CACNA1S: variants seen among roughly 807,000 people sequenced by gnomAD.
CACNA1S encodes calcium voltage-gated channel subunit alpha1 S.
Under a neutral mutation model 207.4 loss-of-function variants are expected in CACNA1S, and 126 were observed. The observed-to-expected ratio is 0.61, with a 90% CI of 0.53 to 0.70. CACNA1S has a LOEUF of 0.70. Ranked by LOEUF, CACNA1S falls within the 30% of genes least tolerant of loss-of-function variation. CACNA1S has a pLI of 0.00. For synonymous variants in CACNA1S, 960 were observed against 932.7 expected (o/e 1.03, Z -0.53); for missense variants, 2,349 against 2,422.8 (o/e 0.97, Z 0.64).
chr1:201,075,498 T>G lies in CACNA1S; in HGVS notation c.1945A>C (p.Asn649His), dbSNP rs760246258. The change falls in exon 13 of 44, where the codon AAC (asparagine) becomes CAC (histidine). Residue 649 changes from asparagine to histidine, a missense_variant. Transcript: ENST00000362061. ...CACCCTGCTCCCGAGAGGATACAGT[T>G]GCCACAGACGAAAAGGATGATGAAG... ...IYFIILFVCGNYILLNVFLAI... is the reference protein window; with the variant it reads ...IYFIILFVCGHYILLNVFLAI... The G allele has an allele frequency of 1.1e-4, 174 of 1,613,610 alleles. No homozygotes were observed. Among genetic ancestry groups the G allele is most frequent in the Admixed American group, 2.7e-4 (16 of 59,974 alleles).
At chr1:201,061,676 A>G (rs1347212980) in intron 24 of CACNA1S, among the ~76,000 whole-genome samples, 2 of 152,202 alleles carry the variant, frequency 1.3e-5, no homozygotes, top group Non-Finnish European at 2.9e-5. Flanking sequence ...TGCCCCATCT[A>G]TCCCTAATCA....
At position 201,075,749 on chromosome 1, in the gene CACNA1S, G is replaced by T. The variant is rs879438543; in HGVS notation, c.1828-134C>A. 21 of 1,011,256 alleles carry T rather than the reference G, an allele frequency of 2.1e-5. No homozygotes were observed. In the East Asian group the frequency reaches 4.9e-4, roughly 23 times the overall value. The allele number at this position is 1,011,256 out of a possible 1,614,324, so 62.6% of individuals were successfully genotyped here. On this transcript the variant is annotated intron_variant, in intron 12 of 43. Coordinates refer to ENST00000362061, the MANE Select transcript of CACNA1S (RefSeq NM_000069.3). Reference sequence around the variant, plus strand: ...TTCCCTCTTTTCATTCCACAGTCTGGGTGGCCAGCCCCTGCTATCCCCAAA... The same window carrying T: ...TTCCCTCTTTTCATTCCACAGTCTGTGTGGCCAGCCCCTGCTATCCCCAAA...
Position 201,062,457 on chromosome 1 carries a change from T to G in CACNA1S, c.2906+5A>C, listed in dbSNP as rs1661086623. ...CCGTCCCACTGTGCTCCCTGCCCCA[T>G]GTACCTGCACTCCTCCTCTGTCATC... is the stretch of plus-strand genomic sequence containing the variant. On this transcript the variant is annotated splice_donor_5th_base_variant and intron_variant, in intron 23 of 43. Transcript: ENST00000362061. 6.2e-7 allele frequency: 1 copy of G among 1,612,868 alleles called. No individual in the cohort carries two copies. The highest frequency in any genetic ancestry group is 1.1e-5 in the South Asian group (1 of 91,062).
chr1:201,089,249 C>T lies in CACNA1S; in HGVS notation c.900+9G>A, dbSNP rs1454687459. 2 of 1,613,886 alleles carry T rather than the reference C, an allele frequency of 1.2e-6. No individual in the cohort carries two copies. The highest frequency in any genetic ancestry group is 2.7e-5 in the African/African-American group (2 of 74,954). On this transcript the variant is annotated intron_variant, in intron 6 of 43. Coordinates refer to ENST00000362061, the MANE Select transcript of CACNA1S (RefSeq NM_000069.3). ...GGAGATGGTTCTGCAGGCGCGGGCC[C>T]AGACCCACCCAGTAAAGGACGTCAG...
Position 201,050,457 on chromosome 1 carries a change from C to G in CACNA1S, c.4173G>C (p.Trp1391Cys). The stretch of plus-strand genomic sequence containing the variant: ...CCAGGTGATGAGGGCCCAGGATGGA[C>G]CAGTCCCGGGTGAGGTAGTCAAAAT... ...MDNFDYLTRD[W>C]SILGPHHLDE... Residue 1391 changes from tryptophan to cysteine, a missense_variant, in exon 34 of 44, where the codon TGG becomes TGC. Transcript: ENST00000362061. 1.2e-6 allele frequency: 2 copies of G among 1,614,040 alleles called. No individual in the cohort carries two copies. Among genetic ancestry groups the G allele is most frequent in the African/African-American group, 1.3e-5 (1 of 75,008 alleles).
intron 12 of CACNA1S, among the ~76,000 whole-genome samples, chr1:201,076,417 C>A (rs551554594): frequency 1.3e-5 from 2 of 152,350 alleles, no homozygotes; most frequent in East Asian, 3.9e-4. Flanking sequence ...AAGAAAACTC[C>A]TCCAGGAGGC....
chr1:201,054,659 C>A, intron 28 of CACNA1S, 98 bp from the exon 29 acceptor site: 1 of 853,480 alleles, frequency 1.2e-6, no homozygotes, highest in Non-Finnish European at 1.8e-6. Context: ...AGGACAGACA[C>A]ACAGAAGAGT....
At chr1:201,044,477 C>T in intron 38 of CACNA1S, 21 bp from the exon 39 acceptor site, 1 of 1,609,964 alleles carries the variant, frequency 6.2e-7, no homozygotes, top group African/African-American at 1.3e-5. Flanking sequence ...CGAAGGGACT[C>T]AGTTATCTCT....
chr1:201,047,726 T>C, intron 36 of CACNA1S, 100 bp from the exon 37 acceptor site: 1 of 810,882 alleles, frequency 1.2e-6, no homozygotes. Flanking sequence ...AGTCATTTAC[T>C]AAGAAACATT....
At chr1:201,089,099 C>T (rs897438749) in intron 6 of CACNA1S, among the ~76,000 whole-genome samples, 159 bp downstream of exon 6, 1 of 152,260 alleles carries the variant, frequency 6.6e-6, no homozygotes, top group African/African-American at 2.4e-5. Context: ...GAAAGGGACA[C>T]ACATCCTGTA....
chr1:201,060,308 C>A (rs1328128169), intron 26 of CACNA1S, among the ~76,000 whole-genome samples: 1 of 152,130 alleles, frequency 6.6e-6, no homozygotes, highest in African/African-American at 2.4e-5. Flanking sequence ...TTTCTTGGGA[C>A]CAGAGCCAAG....
Position 201,043,489 on chromosome 1 carries a change from T to G in CACNA1S, c.4840A>C (p.Arg1614=). ...LFGQVDNFLE[R]TNSLPPVMAN... is the part of the protein sequence containing the mutation. ...ATGACGGGGGGCAGGGAGTTGGTCC[T>G]TTCCAGGAAGTTGTCCACCTGGCCA... The change falls in exon 40 of 44, where the codon AGG becomes CGG. Residue 1614 remains arginine (R), a synonymous_variant. Transcript: ENST00000362061. 1 of 1,613,980 alleles carries G rather than the reference T, an allele frequency of 6.2e-7. No homozygotes were observed. The highest frequency in any genetic ancestry group is 8.5e-7 in the Non-Finnish European group (1 of 1,179,982).
chr1:201,045,261 C>T (rs750956949), intron 38 of CACNA1S, among the ~76,000 whole-genome samples: 1 of 152,114 alleles, frequency 6.6e-6, no homozygotes, highest in Non-Finnish European at 1.5e-5. Flanking sequence ...ACATACTGAC[C>T]TGCAGTCTTC....
Position 201,112,399 on chromosome 1 carries a change from T to A in CACNA1S, c.-60A>T. ...CCACCCCAGTGCTTTCCCTTCCCTG[T>A]GTCCCCAATGCCCCCGCCTTGGGGA... On this transcript the variant is annotated 5_prime_UTR_variant, in exon 1 of 44. Transcript: ENST00000362061. 1 of 1,610,772 alleles carries A rather than the reference T, an allele frequency of 6.2e-7. No individual in the cohort carries two copies. The highest frequency in any genetic ancestry group is 8.5e-7 in the Non-Finnish European group (1 of 1,179,460).
chr1:201,073,459 C>T, intron 15 of CACNA1S, 90 bp downstream of exon 15: 2 of 1,090,156 alleles, frequency 1.8e-6, no homozygotes. Context: ...ACCTCCCCAC[C>T]CTACCCCACC....
At position 201,070,290 on chromosome 1, in the gene CACNA1S, A is replaced by T; in HGVS notation, c.2342T>A (p.Ile781Asn). ...CACCCACTTATTGGTGGGGCTGAAGATGAAGAAGGAGCTGGCTTCTGGAAT... is the reference window on the plus strand; with the variant it reads ...CACCCACTTATTGGTGGGGCTGAAGTTGAAGAAGGAGCTGGCTTCTGGAAT... The part of the protein sequence containing the change: ...VPIPEASSFF[I>N]FSPTNKIRVL... The change falls in exon 17 of 44, where the codon ATC (isoleucine) becomes AAC (asparagine). Residue 781 changes from isoleucine to asparagine, a missense_variant. Physicochemically the swap from Ile to Asn is moderately radical, Grantham distance 149. Transcript: ENST00000362061. 3 of 1,614,040 alleles carry T rather than the reference A, an allele frequency of 1.9e-6. No homozygotes were observed. The highest frequency in any genetic ancestry group is 2.7e-5 in the African/African-American group (2 of 75,042).
chr1:201,109,862 A>C (rs915116049), intron 2 of CACNA1S, among the ~76,000 whole-genome samples: 1 of 152,192 alleles, frequency 6.6e-6, no homozygotes, highest in African/African-American at 2.4e-5. Context: ...AAATGGAACC[A>C]CTTTATGAGT....
At chr1:201,045,048 T>C (rs563529065) in intron 38 of CACNA1S, among the ~76,000 whole-genome samples, 1 of 152,366 alleles carries the variant, frequency 6.6e-6, no homozygotes, top group South Asian at 2.1e-4. Context: ...GAAGTGTTCT[T>C]ACTCAGTACA....
At chr1:201,082,236 C>A (rs1232929882) in intron 10 of CACNA1S, among the ~76,000 whole-genome samples, 1 of 152,060 alleles carries the variant, frequency 6.6e-6, no homozygotes, top group Non-Finnish European at 1.5e-5. Context: ...ACCATGTTGG[C>A]CAGGATGGTC....
Sources: gnomAD v4.1 joint callset for allele counts (sites outside exome capture counted in the v4.1 genomes callset) on GRCh38, gnomAD v4.1.1 for gene constraint, MANE v1.5 for transcripts, NCBI Gene and HGNC (gene_info 2026-07-23, HGNC 2026-07-21) for gene names.